Variants in RFX2 observed in about 807,000 individuals in gnomAD.
The protein encoded by RFX2 is DNA-binding protein RFX2.
RFX2 carries 20 observed loss-of-function variants against 87.8 expected under a neutral mutation model. The observed-to-expected ratio is 0.23, with a 90% CI of 0.16 to 0.33. The LOEUF (loss-of-function observed/expected upper bound fraction) is 0.33, where lower values mean the gene tolerates loss of function less well. RFX2 is among the 10% of genes least tolerant of loss of function. The pLI is 1.00. For synonymous variants in RFX2, 397 were observed against 431.3 expected, an observed-to-expected ratio of 0.92 and a Z score of 0.98; for missense variants, 767 against 1,012.3, an observed-to-expected ratio of 0.76 and a Z score of 3.29.
chr19:6,000,897 T>C (rs951392042), intron 15 of RFX2, among the ~76,000 whole-genome samples: 3 of 152,238 alleles, frequency 2.0e-5, no homozygotes, highest in African/African-American at 7.2e-5. Flanking sequence ...GCTTTGTTTT[T>C]TCCTGGGGTA....
chr19:6,038,317 A>G (rs1272348255), intron 5 of RFX2, among the ~76,000 whole-genome samples: 3 of 112,428 alleles, frequency 2.7e-5, no homozygotes, highest in Admixed American at 1.3e-4. Flanking sequence ...ACAGAGCAAG[A>G]CTCCGTCTCA....
chr19:5,995,763 C>G (rs1307900331), intron 16 of RFX2, 120 bp from the exon 17 acceptor site: 1 of 869,416 alleles, frequency 1.2e-6, no homozygotes, highest in Non-Finnish European at 1.9e-6. Flanking sequence ...AGTGAAGCAG[C>G]TGGGGCCTGC....
intron 1 of RFX2, among the ~76,000 whole-genome samples, chr19:6,059,750 C>G (rs112942125): frequency 6.6e-6 from 1 of 151,746 alleles, no homozygotes; most frequent in Non-Finnish European, 1.5e-5. Context: ...CACACACACA[C>G]AAACACATGT....
chr19:6,092,492 AGGG>A (rs1431168788), intron 1 of RFX2, among the ~76,000 whole-genome samples: 1 of 152,104 alleles, frequency 6.6e-6, no homozygotes, highest in Non-Finnish European at 1.5e-5. Context: ...ACGCGTCCAG[AGGG>A]AATTCAGAGG....
chr19:6,073,357 G>T (rs1482743951), intron 1 of RFX2: 5 of 1,350,214 alleles, frequency 3.7e-6, no homozygotes, highest in Non-Finnish European at 4.2e-6. Flanking sequence ...GCTTCCGGAA[G>T]TTCCTGGTCC....
At chr19:6,084,639 C>CTTTTTTT (rs1189568545) in intron 1 of RFX2, among the ~76,000 whole-genome samples, 2,172 of 122,830 alleles carry the variant, frequency 0.018, 67 homozygotes, top group African/African-American at 0.097. Flanking sequence ...TTCTTTCTTT[C>CTTTTTTT]TTTCTTTTTT....
Position 6,063,691 on chromosome 19 carries a change from G to A in RFX2, c.-8-16187C>T, listed in dbSNP as rs1431634517. ...ACCCTCTCTCCAGTCAGCTTGTCATGTCATACAGGCTTTCCTGACCTCAGC... is the reference window on the plus strand; with the variant it reads ...ACCCTCTCTCCAGTCAGCTTGTCATATCATACAGGCTTTCCTGACCTCAGC... On this transcript the variant is annotated intron_variant, in intron 1 of 17. Coordinates refer to ENST00000303657, the MANE Select transcript of RFX2 (RefSeq NM_000635.4). This position sits in a 1 kb window ranked among gnomAD's most constrained non-coding sequence, Gnocchi z 4.0. Among the ~76,000 whole-genome samples the A allele has an allele frequency of 1.3e-5, 2 of 152,212 alleles. No individual in the cohort carries two copies. The highest frequency in any genetic ancestry group is 6.5e-5 in the Admixed American group (1 of 15,286).
Position 6,001,824 on chromosome 19 carries a change from G to T in RFX2, c.1850C>A (p.Ser617Tyr). Residue 617 changes from serine to tyrosine, a missense_variant, in exon 15 of 18, where the codon TCC becomes TAC. Around this residue, in one of 2 missense-constraint regions of RFX2, gnomAD observed 621 missense variants for 873.0 expected, o/e 0.71. Coordinates refer to ENST00000303657, the MANE Select transcript of RFX2 (RefSeq NM_000635.4). This position sits in a 1 kb window ranked among gnomAD's most constrained non-coding sequence, Gnocchi z 5.6. ...KAARQFLLKW[S>Y]FYSSMVIRDL... is the part of the protein sequence containing the mutation. ...GTCTGGTGGGACTAACCTGTAAAAG[G>T]ACCATTTCAGCAAGAACTGCCGGGC... The T allele has an allele frequency of 6.2e-7, 1 of 1,609,384 alleles. No homozygotes were observed. The highest frequency in any genetic ancestry group is 1.1e-5 in the South Asian group (1 of 90,548).
intron 17 of RFX2, among the ~76,000 whole-genome samples, chr19:5,995,274 G>A (rs988566513): frequency 2.4e-4 from 37 of 152,272 alleles, no homozygotes; most frequent in African/African-American, 8.2e-4. Context: ...GACGGGGCCC[G>A]GGGGTCCCTC....
At chr19:6,066,933 A>G (rs2087522293) in intron 1 of RFX2, among the ~76,000 whole-genome samples, 1 of 152,192 alleles carries the variant, frequency 6.6e-6, no homozygotes, top group Admixed American at 6.5e-5. Flanking sequence ...CCAGATCTAA[A>G]AAAAACCCTC....
intron 6 of RFX2, among the ~76,000 whole-genome samples, chr19:6,019,236 G>A (rs554039127): frequency 3.4e-4 from 51 of 152,182 alleles, no homozygotes; most frequent in Middle Eastern, 3.2e-3. Context: ...AGAAGGGCCC[G>A]GAGTGGAGAC....
At chr19:6,080,780 G>A (rs901335172) in intron 1 of RFX2, among the ~76,000 whole-genome samples, 1 of 152,130 alleles carries the variant, frequency 6.6e-6, no homozygotes, top group Admixed American at 6.6e-5. Flanking sequence ...GCTTATGCTT[G>A]TAATCCCAGC....
chr19:6,029,325 AG>A (rs2086927648), intron 5 of RFX2, among the ~76,000 whole-genome samples: 1 of 152,108 alleles, frequency 6.6e-6, no homozygotes, highest in Non-Finnish European at 1.5e-5. Context: ...GAGAAAATCG[AG>A]CCACTGGACT....
chr19:6,034,887 C>T (rs1330773634), intron 5 of RFX2, among the ~76,000 whole-genome samples: 4 of 152,018 alleles, frequency 2.6e-5, no homozygotes, highest in East Asian at 1.9e-4. Context: ...TTTAATTTAC[C>T]GAAAATTTCT....
intron 9 of RFX2, among the ~76,000 whole-genome samples, chr19:6,008,675 ATTT>A (rs1284518775): frequency 5.0e-5 from 4 of 79,264 alleles, no homozygotes; most frequent in African/African-American, 5.2e-5. Context: ...ATGCCCGGCC[ATTT>A]TTTTTTTTTT....
At chr19:6,030,942 A>G (rs1283913678) in intron 5 of RFX2, among the ~76,000 whole-genome samples, 3 of 152,198 alleles carry the variant, frequency 2.0e-5, no homozygotes, top group African/African-American at 7.2e-5. Flanking sequence ...CATAGTGTCA[A>G]GAAATCACAT....
chr19:6,053,415 C>T (rs1004384950), intron 1 of RFX2, among the ~76,000 whole-genome samples: 5 of 152,162 alleles, frequency 3.3e-5, no homozygotes, highest in African/African-American at 1.2e-4. Flanking sequence ...TAATGGTGGA[C>T]ACATGTCATT....
intron 1 of RFX2, among the ~76,000 whole-genome samples, chr19:6,072,461 G>A (rs2087620976): frequency 6.6e-6 from 1 of 152,190 alleles, no homozygotes; most frequent in Admixed American, 6.5e-5. Flanking sequence ...CCAGCGCTCT[G>A]AGAGGCTGAG....
Position 5,999,610 on chromosome 19 carries a change from T to C in RFX2, c.1859+2205A>G, listed in dbSNP as rs2086464689. ...GCCGCATAGTCTATTAGGCGTGTGG[T>C]TCCTCTCATTCATTCACTGAGCCAG... On this transcript the variant is annotated intron_variant, in intron 15 of 17. Transcript: ENST00000303657. The surrounding 1 kb of genome is among the most constrained non-coding windows in gnomAD (Gnocchi z 4.1). 6.6e-6 allele frequency among the ~76,000 whole-genome samples: 1 copy of C among 152,144 alleles called. No individual in the cohort carries two copies. The highest frequency in any genetic ancestry group is 1.5e-5 in the Non-Finnish European group (1 of 68,030).
Sources: gnomAD v4.1 joint callset for allele counts (sites outside exome capture counted in the v4.1 genomes callset) on GRCh38, gnomAD v4.1.1 for gene constraint, gnomAD v4.1.1 regional missense constraint, Gnocchi (gnomAD v3.1) non-coding constraint, MANE v1.5 for transcripts, NCBI Gene and HGNC (gene_info 2026-07-23, HGNC 2026-07-21) for gene names.